Variants in TRRAP observed in about 807,000 individuals in gnomAD.
TRRAP encodes the protein transformation/transcription domain associated protein, also known as transformation/transcription domain-associated protein.
In TRRAP, 41 loss-of-function variants were observed where a neutral mutation model predicts 438.8. That is an observed-to-expected ratio of 0.09 (90% CI 0.07 to 0.12). The LOEUF (loss-of-function observed/expected upper bound fraction) is 0.12. Ranked by LOEUF, TRRAP falls within the 10% of genes least tolerant of loss-of-function variation. TRRAP has a pLI of 1.00. For synonymous variants in TRRAP, 1,994 were observed against 1,962.9 expected, an observed-to-expected ratio of 1.02 and a Z score of -0.42; for missense variants, 3,122 against 5,055.1, an observed-to-expected ratio of 0.62 and a Z score of 11.60.
At chr7:98,921,425 G>T (rs1554410487) in intron 20 of TRRAP, among the ~76,000 whole-genome samples, 1 of 152,096 alleles carries the variant, frequency 6.6e-6, no homozygotes, top group African/African-American at 2.4e-5. Flanking sequence ...ACCCGGGCTG[G>T]AGTGCAGTGG....
intron 24 of TRRAP, 35 bp from the exon 25 acceptor site, chr7:98,930,598 G>A: frequency 1.9e-6 from 3 of 1,608,714 alleles, no homozygotes; most frequent in Non-Finnish European, 2.5e-6. Flanking sequence ...AAGAATTGCA[G>A]TAACGTGTTG....
rs782601624 is a variant in TRRAP, at chr7:98,912,153, G to T, written c.2139G>T (p.Leu713=). Residue 713 remains leucine (L), a synonymous_variant, in exon 18 of 73, where the codon CTG becomes CTT. Coordinates refer to ENST00000456197, the MANE Select transcript of TRRAP (RefSeq NM_001375524.1). The part of the protein sequence containing the change: ...NVELSNLYLK[L]FKLVFGSVSL... ...AGCTCTCCAACCTGTACCTCAAGCT[G>T]TTCAAGCTGGTCTTTGGCTCTGTCT... The T allele has an allele frequency of 1.1e-5, 17 of 1,614,068 alleles. No individual in the cohort carries two copies. Among genetic ancestry groups the T allele is most frequent in the African/African-American group, 1.3e-5 (1 of 74,934 alleles).
intron 12 of TRRAP, among the ~76,000 whole-genome samples, chr7:98,904,532 ACCT>A (rs1336240367): frequency 6.7e-6 from 1 of 149,700 alleles, no homozygotes; most frequent in East Asian, 2.0e-4. Flanking sequence ...TTACCAGGTC[ACCT>A]CCTTCCCGTT....
At chr7:99,001,034 A>T (rs1297981947) in intron 67 of TRRAP, among the ~76,000 whole-genome samples, 1 of 152,220 alleles carries the variant, frequency 6.6e-6, no homozygotes. Context: ...TCTCCTAAAG[A>T]CTCATTGTGT....
chr7:98,932,524 T>A (rs1339891578), intron 26 of TRRAP, among the ~76,000 whole-genome samples: 1 of 152,212 alleles, frequency 6.6e-6, no homozygotes, highest in Non-Finnish European at 1.5e-5. Context: ...TATTTTTTTT[T>A]ATAAAGATGG....
chr7:98,981,810 C>A lies in TRRAP; in HGVS notation c.8676C>A (p.Asn2892Lys). 2 of 1,605,814 alleles carry A rather than the reference C, an allele frequency of 1.2e-6. No homozygotes were observed. Among genetic ancestry groups the A allele is most frequent in the Non-Finnish European group, 1.7e-6 (2 of 1,176,614 alleles). The stretch of plus-strand genomic sequence containing the variant: ...CGAAGGAGATGGCCTGGAAGGTGAA[C>A]ATGTACCGCGGATACCTGGCCATCT... ...SCPKEMAWKVNMYRGYLAICH... is the reference protein window; with the variant it reads ...SCPKEMAWKVKMYRGYLAICH... Residue 2892 changes from asparagine (N) to lysine (K), a missense_variant, in exon 59 of 73, where the codon AAC becomes AAA. This residue lies in a region of TRRAP where 992 missense variants were observed against 1,281.2 expected (regional missense o/e 0.77). Coordinates refer to ENST00000456197, the MANE Select transcript of TRRAP (RefSeq NM_001375524.1).
Position 99,004,200 on chromosome 7 carries a change from C to T in TRRAP, c.10320C>T (p.Phe3440=), listed in dbSNP as rs1665933930. The T allele has an allele frequency of 6.2e-7, 1 of 1,606,404 alleles. No homozygotes were observed. The highest frequency in any genetic ancestry group is 1.7e-5 in the Admixed American group (1 of 57,908). ...TGTTTTATTTTTAAGATTTTGACTT[C>T]AGCGTTCCAGGATCCATGAAGCTTC... ...LKGQFTTDFD[F]SVPGSMKLHN... The change falls in exon 68 of 73, where the codon TTC becomes TTT. Residue 3440 remains phenylalanine (F), a synonymous_variant. Coordinates refer to ENST00000456197, the MANE Select transcript of TRRAP (RefSeq NM_001375524.1).
In TRRAP at chr7:98,911,884, T is replaced by G. The variant is rs1360177760; in HGVS notation, c.2008-138T>G. The G allele has an allele frequency of 1.4e-5, 10 of 728,760 alleles. No homozygotes were observed. In the East Asian group the frequency reaches 2.6e-4, roughly 19 times the overall value. 45.1% of individuals were successfully genotyped at this position (728,760 alleles called of 1,614,324 possible). ...GTGCTCAGTAAACCCGTTTCATTTTTTTCCTTTGGTGGATAATTAAATTTC... is the reference window on the plus strand; with the variant it reads ...GTGCTCAGTAAACCCGTTTCATTTTGTTCCTTTGGTGGATAATTAAATTTC... On this transcript the variant is annotated intron_variant, in intron 17 of 72. Transcript: ENST00000456197.
Position 98,937,182 on chromosome 7 carries a change from C to A in TRRAP, c.4138C>A (p.Pro1380Thr). The A allele has an allele frequency of 6.2e-7, 1 of 1,612,654 alleles. No homozygotes were observed. The highest frequency in any genetic ancestry group is 8.5e-7 in the Non-Finnish European group (1 of 1,179,352). The change falls in exon 29 of 73, where the codon CCT becomes ACT. Residue 1380 changes from proline (P) to threonine (T), a missense_variant. Around this residue, in one of 24 missense-constraint regions of TRRAP, gnomAD observed 84 missense variants for 119.8 expected, o/e 0.70. Transcript: ENST00000456197. ...TGCACTTGCTGCCTGCAATTACCTT[C>A]CTCAGTCCAGGGAGAAAATCATCGC... is the stretch of plus-strand genomic sequence containing the variant. ...LNALAACNYL[P>T]QSREKIIAAL...
In TRRAP at chr7:99,012,777, C is replaced by G. The variant is rs1418558193; in HGVS notation, c.*422C>G. Reference sequence around the variant, plus strand: ...AGCAGCTTCGTGCTTTTGTACAGACCTTTGTAACAAGTGTACAGAAAACTC... The same window carrying G: ...AGCAGCTTCGTGCTTTTGTACAGACGTTTGTAACAAGTGTACAGAAAACTC... On this transcript the variant is annotated 3_prime_UTR_variant, in exon 73 of 73. Transcript: ENST00000456197. This position sits in a 1 kb window ranked among gnomAD's most constrained non-coding sequence, Gnocchi z 5.9. 5.8e-6 allele frequency: 1 copy of G among 171,490 alleles called. No homozygotes were observed. The allele number at this position is 171,490 out of a possible 1,614,324, so 10.6% of individuals were successfully genotyped here.
chr7:98,962,901 G>A (rs1208333265), intron 47 of TRRAP, among the ~76,000 whole-genome samples: 1 of 152,174 alleles, frequency 6.6e-6, no homozygotes, highest in African/African-American at 2.4e-5. Context: ...TCTGGCCCCA[G>A]GTACGCAGGA....
rs1789990592 is a variant in TRRAP at position 98,925,163 on chromosome 7, T to G, written c.2875T>G (p.Tyr959Asp). The change falls in exon 22 of 73, where the codon TAC becomes GAC. Residue 959 changes from tyrosine (Y) to aspartate (D), a missense_variant. Physicochemically the swap from Tyr to Asp is radical, Grantham distance 160 (BLOSUM62 -3). Transcript: ENST00000456197. ...CLKSANTEPYYRRQAWEVIKC... is the reference protein window; with the variant it reads ...CLKSANTEPYDRRQAWEVIKC... ...GAAAAGCGCCAACACTGAGCCCTACTACCGGAGGCAGGCGTGGGAAGTGAT... is the reference window on the plus strand; with the variant it reads ...GAAAAGCGCCAACACTGAGCCCTACGACCGGAGGCAGGCGTGGGAAGTGAT... 1.2e-6 allele frequency: 2 copies of G among 1,614,210 alleles called. No homozygotes were observed. The highest frequency in any genetic ancestry group is 1.3e-5 in the African/African-American group (1 of 75,056).
At chr7:98,942,795 T>C (rs1392502751) in intron 30 of TRRAP, among the ~76,000 whole-genome samples, 154 bp from the exon 31 acceptor site, 1 of 152,242 alleles carries the variant, frequency 6.6e-6, no homozygotes, top group African/African-American at 2.4e-5. Context: ...ATGCCAGTTA[T>C]TCTCATCACT....
At position 98,935,575 on chromosome 7, in the gene TRRAP, G is replaced by A. The variant is rs1554414030; in HGVS notation, c.4015-4G>A. The A allele has an allele frequency of 6.3e-7, 1 of 1,595,734 alleles. No individual in the cohort carries two copies. Among genetic ancestry groups the A allele is most frequent in the Non-Finnish European group, 8.6e-7 (1 of 1,165,166 alleles). On this transcript the variant is annotated splice_region_variant and splice_polypyrimidine_tract_variant and intron_variant, in intron 27 of 72. Transcript: ENST00000456197. ...GCTAAATGAAATTGTTTTATCTTTT[G>A]CAGCTGTTGAATTTGTGTGAGGCTG...
At chr7:98,917,270 A>G (rs1554409669) in intron 19 of TRRAP, among the ~76,000 whole-genome samples, 153 bp from the exon 20 acceptor site, 5 of 152,182 alleles carry the variant, frequency 3.3e-5, no homozygotes. Flanking sequence ...ATTATTGGAC[A>G]GATGTAACAG....
In TRRAP at chr7:99,005,399, G is replaced by T; in HGVS notation, c.10753+51G>T. On this transcript the variant is annotated intron_variant, in intron 69 of 72. Coordinates refer to ENST00000456197, the MANE Select transcript of TRRAP (RefSeq NM_001375524.1). The surrounding 1 kb of genome is among the most constrained non-coding windows in gnomAD (Gnocchi z 5.1). Reference sequence around the variant, plus strand: ...GGGTACACAGGCAGCTTCACAGGTGGGGATGAGAGCCACACCTCGTGGGGT... The same window carrying T: ...GGGTACACAGGCAGCTTCACAGGTGTGGATGAGAGCCACACCTCGTGGGGT... The T allele has an allele frequency of 1.3e-6, 2 of 1,560,766 alleles. No individual in the cohort carries two copies. Among genetic ancestry groups the T allele is most frequent in the Non-Finnish European group, 1.8e-6 (2 of 1,132,722 alleles).
At chr7:98,905,139 C>T (rs797038718) in intron 12 of TRRAP, among the ~76,000 whole-genome samples, 4 of 152,156 alleles carry the variant, frequency 2.6e-5, no homozygotes, top group South Asian at 2.1e-4. Flanking sequence ...CTCCATGTCA[C>T]GGCTGAGCCC....
chr7:98,943,752 C>T (rs1313829537), intron 31 of TRRAP, among the ~76,000 whole-genome samples: 5 of 152,178 alleles, frequency 3.3e-5, no homozygotes, highest in Admixed American at 6.5e-5. Context: ...TTGCTGTCCT[C>T]GCAGTGGAAT....
Position 98,937,790 on chromosome 7 carries a change from C to T in TRRAP, c.4374C>T (p.Ser1458=), listed in dbSNP as rs1554414604. The T allele has an allele frequency of 6.2e-7, 1 of 1,613,292 alleles. No individual in the cohort carries two copies. The highest frequency in any genetic ancestry group is 8.5e-7 in the Non-Finnish European group (1 of 1,179,804). The change falls in exon 30 of 73, where the codon TCC becomes TCT. Residue 1458 remains serine (S), a synonymous_variant. Transcript: ENST00000456197. ...LTSVTRLFPN[S]FNDKFCDQMM... ...CGGTCACGAGGCTCTTCCCAAATTC[C>T]TTCAATGATAAATTTTGTGATCAGA...
Sources: allele counts gnomAD v4.1 joint callset (sites outside exome capture counted in the v4.1 genomes callset), GRCh38; gene constraint gnomAD v4.1.1; regional missense constraint gnomAD v4.1.1; non-coding constraint Gnocchi (gnomAD v3.1); transcripts MANE v1.5; gene names NCBI Gene and HGNC (gene_info 2026-07-23, HGNC 2026-07-21).